SOCS6: variants seen among roughly 807,000 people sequenced by gnomAD.
SOCS6 encodes the protein STAT induced STAT inhibitor-4.
SOCS6 carries 5 observed loss-of-function variants against 27.7 expected under a neutral mutation model. The ratio of observed to expected loss-of-function variants is 0.18; its 90% CI spans 0.09 to 0.38. SOCS6 has a LOEUF of 0.38. Among genes scored for constraint, SOCS6 ranks in the 10% least tolerant of loss-of-function variants. The pLI, the probability that SOCS6 is intolerant of heterozygous loss-of-function variation, is 1.00. For synonymous variants in SOCS6, 271 were observed against 260.0 expected (o/e 1.04, Z -0.41); for missense variants, 595 against 688.1 (o/e 0.86, Z 1.51).
At chr18:70,292,124 C>G (rs1206654553) in intron 1 of SOCS6, among the ~76,000 whole-genome samples, 2 of 152,096 alleles carry the variant, frequency 1.3e-5, no homozygotes, top group Non-Finnish European at 2.9e-5. Context: ...TTTTAGGTGG[C>G]CGTTGGTCTT....
chr18:70,292,716 C>T (rs954709668), intron 1 of SOCS6, among the ~76,000 whole-genome samples: 1 of 152,164 alleles, frequency 6.6e-6, no homozygotes, highest in East Asian at 1.9e-4. Flanking sequence ...TTCATTTCTC[C>T]CTAATTCTCA....
chr18:70,289,645 G>A (rs2062289787), intron 1 of SOCS6, among the ~76,000 whole-genome samples: 1 of 149,304 alleles, frequency 6.7e-6, no homozygotes, highest in Admixed American at 6.7e-5. Flanking sequence ...CGCGAGGGCG[G>A]GCCTGGGGCG....
intron 1 of SOCS6, among the ~76,000 whole-genome samples, chr18:70,293,890 A>C (rs1250745204): frequency 6.6e-6 from 1 of 152,144 alleles, no homozygotes; most frequent in African/African-American, 2.4e-5. Flanking sequence ...CAGGAGTTCG[A>C]GACCAGCCTG....
At chr18:70,295,195 A>G (rs2062317781) in intron 1 of SOCS6, among the ~76,000 whole-genome samples, 1 of 152,216 alleles carries the variant, frequency 6.6e-6, no homozygotes, top group South Asian at 2.1e-4. Flanking sequence ...TACCTTTTTG[A>G]AGACAGGAAT....
rs138067401 is a variant in SOCS6, at chr18:70,312,324, GT to G, written c.-126-12210del. On this transcript the variant is annotated intron_variant, in intron 1 of 1. Transcript: ENST00000397942. ...TCAAGTAATGTTTGCTTTTTGTTTT[GT>G]TTTTTTTTCAATTAATGCAATAAGG... 1.1e-3 allele frequency among the ~76,000 whole-genome samples: 171 copies of G among 149,032 alleles called. 1 individual carries two copies. The highest frequency in any genetic ancestry group is 2.6e-3 in the South Asian group (12 of 4,672).
Position 70,325,044 on chromosome 18 carries a change from T to A in SOCS6, c.376T>A (p.Ser126Thr). 6.2e-7 allele frequency: 1 copy of A among 1,614,152 alleles called. No individual in the cohort carries two copies. ...VRAQRPIRSTSLRSHHYSPAP... is the reference protein window; with the variant it reads ...VRAQRPIRSTTLRSHHYSPAP... ...AGCTCAGAGGCCGATAAGGTCCACG[T>A]CGCTCCGCAGCCATCACTACAGTCC... Residue 126 changes from serine to threonine, a missense_variant, in exon 2 of 2, where the codon TCG (serine) becomes ACG (threonine). Ser to Thr is a moderately conservative substitution (Grantham distance 58, BLOSUM62 1). Around this residue, in one of 2 missense-constraint regions of SOCS6, gnomAD observed 467 missense variants for 481.1 expected, o/e 0.97. Coordinates refer to ENST00000397942, the MANE Select transcript of SOCS6 (RefSeq NM_004232.4). This position sits in a 1 kb window ranked among gnomAD's most constrained non-coding sequence, Gnocchi z 6.3.
At chr18:70,319,639 A>G (rs1037571818) in intron 1 of SOCS6, among the ~76,000 whole-genome samples, 1 of 150,236 alleles carries the variant, frequency 6.7e-6, no homozygotes, top group African/African-American at 2.4e-5. Flanking sequence ...AAAATTGGTT[A>G]TACTTACGGA....
rs553542764 is a variant in SOCS6, at chr18:70,317,734, T to C, written c.-126-6809T>C. ...GTAGTGGGATTGCTGGATGAAATGGTAGAGCTACTTTTAGTTCTTTACGGA... is the reference window on the plus strand; with the variant it reads ...GTAGTGGGATTGCTGGATGAAATGGCAGAGCTACTTTTAGTTCTTTACGGA... On this transcript the variant is annotated intron_variant, in intron 1 of 1. Transcript: ENST00000397942. 2.6e-5 allele frequency among the ~76,000 whole-genome samples: 4 copies of C among 152,130 alleles called. No individual in the cohort carries two copies. In the South Asian group the frequency reaches 6.2e-4, roughly 24 times the overall value.
At chr18:70,299,888 T>C (rs540391280) in intron 1 of SOCS6, among the ~76,000 whole-genome samples, 1 of 152,254 alleles carries the variant, frequency 6.6e-6, no homozygotes, top group African/African-American at 2.4e-5. Context: ...TAGAGATGAT[T>C]TAAAGTATGG....
chr18:70,326,460 T>C lies in SOCS6; in HGVS notation c.*184T>C, dbSNP rs184043717. On this transcript the variant is annotated 3_prime_UTR_variant, in exon 2 of 2. Coordinates refer to ENST00000397942, the MANE Select transcript of SOCS6 (RefSeq NM_004232.4). ...GCAAGGTGTCTTGGGTTTATTTTGG[T>C]TCTTTAAAAAAGGGAAGTCTTGAGG... is the stretch of plus-strand genomic sequence containing the variant. 2.5e-5 allele frequency: 15 copies of C among 595,846 alleles called. No homozygotes were observed. The highest frequency in any genetic ancestry group is 1.9e-4 in the African/African-American group (10 of 53,674). The allele number at this position is 595,846 out of a possible 1,614,324, so 36.9% of individuals were successfully genotyped here. A position where few individuals can be genotyped will look rare whatever the true frequency, so the allele number is the denominator to read the frequency against.
chr18:70,296,268 A>C (rs2062322299), intron 1 of SOCS6, among the ~76,000 whole-genome samples: 1 of 152,172 alleles, frequency 6.6e-6, no homozygotes, highest in Non-Finnish European at 1.5e-5. Context: ...ATAAAATTTC[A>C]GGTTAATATT....
chr18:70,325,900 G>T lies in SOCS6; in HGVS notation c.1232G>T (p.Ser411Ile). 6 of 1,614,240 alleles carry T rather than the reference G, an allele frequency of 3.7e-6. No homozygotes were observed. Among genetic ancestry groups the T allele is most frequent in the Non-Finnish European group, 5.1e-6 (6 of 1,180,044 alleles). Residue 411 changes from serine to isoleucine, a missense_variant, in exon 2 of 2, where the codon AGT (serine) becomes ATT (isoleucine). Ser to Ile is a moderately radical substitution (Grantham distance 142, BLOSUM62 -2). Around this residue, in one of 2 missense-constraint regions of SOCS6, gnomAD observed 128 missense variants for 207.0 expected, o/e 0.62. Coordinates refer to ENST00000397942, the MANE Select transcript of SOCS6 (RefSeq NM_004232.4). The surrounding 1 kb of genome is among the most constrained non-coding windows in gnomAD (Gnocchi z 6.3). Reference protein sequence around the residue: ...VPDGSFLVRDSSDDRYLLSLS... With the variant: ...VPDGSFLVRDISDDRYLLSLS... Reference sequence around the variant, plus strand: ...GATGGTTCTTTTCTTGTTCGGGACAGTTCTGACGACCGTTACCTTTTAAGC... The same window carrying T: ...GATGGTTCTTTTCTTGTTCGGGACATTTCTGACGACCGTTACCTTTTAAGC...
chr18:70,318,858 A>G (rs537935988), intron 1 of SOCS6, among the ~76,000 whole-genome samples: 1 of 151,960 alleles, frequency 6.6e-6, no homozygotes, highest in East Asian at 1.9e-4. Flanking sequence ...ATCACTTGAA[A>G]CTGAGAGACA....
At chr18:70,323,087 A>G (rs1911049132) in intron 1 of SOCS6, among the ~76,000 whole-genome samples, 1 of 152,218 alleles carries the variant, frequency 6.6e-6, no homozygotes, top group Non-Finnish European at 1.5e-5. Flanking sequence ...GTAAAGGCAG[A>G]GTGAATTCAT....
At chr18:70,298,481 C>T (rs957568450) in intron 1 of SOCS6, among the ~76,000 whole-genome samples, 3 of 152,034 alleles carry the variant, frequency 2.0e-5, no homozygotes, top group African/African-American at 7.2e-5. Flanking sequence ...ATTTATCATT[C>T]TGGAGGTCAG....
intron 1 of SOCS6, among the ~76,000 whole-genome samples, chr18:70,304,353 T>G (rs1001425810): frequency 2.6e-5 from 4 of 151,966 alleles, no homozygotes; most frequent in Non-Finnish European, 5.9e-5. Context: ...GCCACACACT[T>G]CAATCATCGC....
At chr18:70,309,623 C>T (rs548947745) in intron 1 of SOCS6, among the ~76,000 whole-genome samples, 1 of 152,256 alleles carries the variant, frequency 6.6e-6, no homozygotes, top group South Asian at 2.1e-4. Flanking sequence ...TACCTTAATA[C>T]TGATAAAATA....
chr18:70,294,855 T>A (rs906408347), intron 1 of SOCS6, among the ~76,000 whole-genome samples: 5 of 152,256 alleles, frequency 3.3e-5, no homozygotes, highest in African/African-American at 1.2e-4. Flanking sequence ...TTTGTTCTGA[T>A]ACTGTTTTAT....
At chr18:70,307,458 A>G (rs929681753) in intron 1 of SOCS6, among the ~76,000 whole-genome samples, 1 of 152,208 alleles carries the variant, frequency 6.6e-6, no homozygotes, top group Non-Finnish European at 1.5e-5. Flanking sequence ...GGAATTTACC[A>G]GTGAAGCCAC....
Sources: gnomAD v4.1 joint callset for allele counts (sites outside exome capture counted in the v4.1 genomes callset) on GRCh38, gnomAD v4.1.1 for gene constraint, gnomAD v4.1.1 regional missense constraint, Gnocchi (gnomAD v3.1) non-coding constraint, MANE v1.5 for transcripts, NCBI Gene and HGNC (gene_info 2026-07-23, HGNC 2026-07-21) for gene names.